Variants in INTS4 observed in about 807,000 individuals in gnomAD.
INTS4 encodes the protein MSTP093.
Under a neutral mutation model 119.5 loss-of-function variants are expected in INTS4, and 70 were observed. The ratio of observed to expected loss-of-function variants is 0.59; its 90% CI spans 0.48 to 0.71. The LOEUF (loss-of-function observed/expected upper bound fraction) is 0.71. INTS4 is among the 30% of genes least tolerant of loss of function. INTS4 has a pLI of 0.00. For synonymous variants in INTS4, 316 were observed against 419.6 expected (o/e 0.75, Z 3.02); for missense variants, 867 against 1,173.2 (o/e 0.74, Z 3.81).
chr11:77,890,049 G>T (rs1952196490), intron 21 of INTS4, among the ~76,000 whole-genome samples: 1 of 152,160 alleles, frequency 6.6e-6, no homozygotes, highest in Admixed American at 6.5e-5. Context: ...TCAGGATTTT[G>T]ATTTAATTAA....
At chr11:77,954,767 G>A (rs1954277514) in intron 8 of INTS4, among the ~76,000 whole-genome samples, 1 of 152,198 alleles carries the variant, frequency 6.6e-6, no homozygotes, top group Non-Finnish European at 1.5e-5. Flanking sequence ...AGCTCAGGCA[G>A]TAATACTTGC....
At chr11:77,896,730 T>C (rs1280804167) in intron 18 of INTS4, among the ~76,000 whole-genome samples, 2 of 139,776 alleles carry the variant, frequency 1.4e-5, no homozygotes, top group Non-Finnish European at 3.2e-5. Context: ...AGAAAAGGTA[T>C]AGGAAAAATA....
intron 4 of INTS4, among the ~76,000 whole-genome samples, chr11:77,975,565 G>A (rs541739199): frequency 2.7e-4 from 41 of 151,962 alleles, no homozygotes; most frequent in African/African-American, 8.5e-4. Context: ...TAGAAACAGC[G>A]GTTGTAGTTA....
At chr11:77,985,263 T>C (rs1294038426) in intron 2 of INTS4, among the ~76,000 whole-genome samples, 1 of 152,204 alleles carries the variant, frequency 6.6e-6, no homozygotes, top group East Asian at 1.9e-4. Context: ...ACTGACAAGG[T>C]AGAATACAAG....
intron 4 of INTS4, among the ~76,000 whole-genome samples, chr11:77,973,451 C>A (rs975348966): frequency 7.2e-5 from 11 of 152,058 alleles, no homozygotes; most frequent in African/African-American, 2.7e-4. Flanking sequence ...CAATGTTAAA[C>A]AGAAGTGAAG....
intron 21 of INTS4, among the ~76,000 whole-genome samples, chr11:77,887,387 ACT>A (rs1952059506): frequency 6.6e-6 from 1 of 152,136 alleles, no homozygotes; most frequent in African/African-American, 2.4e-5. Context: ...CATGCTAAAA[ACT>A]CTCAATAAAT....
chr11:77,967,637 T>C (rs1372970702), intron 4 of INTS4, among the ~76,000 whole-genome samples: 1 of 152,114 alleles, frequency 6.6e-6, no homozygotes, highest in East Asian at 1.9e-4. Flanking sequence ...AAGTCAAACG[T>C]CATCTGTGCC....
chr11:77,899,026 A>T (rs1376105602), intron 18 of INTS4, among the ~76,000 whole-genome samples: 4 of 152,092 alleles, frequency 2.6e-5, no homozygotes, highest in African/African-American at 7.3e-5. Context: ...TCTCATAAAT[A>T]AATAAATAAA....
chr11:77,983,603 C>T (rs1455372999), intron 2 of INTS4, among the ~76,000 whole-genome samples: 3 of 152,124 alleles, frequency 2.0e-5, no homozygotes, highest in Non-Finnish European at 2.9e-5. Flanking sequence ...CTAATCATTA[C>T]AGAAATGCAA....
chr11:77,938,551 T>C (rs925093359), intron 10 of INTS4, 100 bp downstream of exon 10: 1 of 1,479,566 alleles, frequency 6.8e-7, no homozygotes, highest in Non-Finnish European at 9.0e-7. Flanking sequence ...AGAGTTACTG[T>C]GAGGACTAAA....
intron 1 of INTS4, among the ~76,000 whole-genome samples, chr11:77,992,658 G>C (rs954122388): frequency 6.6e-6 from 1 of 152,148 alleles, no homozygotes; most frequent in Admixed American, 6.5e-5. Flanking sequence ...AATTATTCTA[G>C]ACAAGAACAC....
At chr11:77,937,116 A>G (rs1953814993) in intron 10 of INTS4, among the ~76,000 whole-genome samples, 1 of 152,080 alleles carries the variant, frequency 6.6e-6, no homozygotes, top group Non-Finnish European at 1.5e-5. Flanking sequence ...CAGAGGTTGC[A>G]GTGAGCCAAG....
At chr11:77,895,448 A>G (rs190518857) in intron 18 of INTS4, among the ~76,000 whole-genome samples, 2 of 148,066 alleles carry the variant, frequency 1.4e-5, no homozygotes, top group East Asian at 4.1e-4. Flanking sequence ...TATTTGCTGA[A>G]TGAACAAAAA....
chr11:77,966,417 G>T (rs1322890896), intron 4 of INTS4, among the ~76,000 whole-genome samples: 1 of 152,132 alleles, frequency 6.6e-6, no homozygotes, highest in Non-Finnish European at 1.5e-5. Flanking sequence ...TCTTCTAGTA[G>T]TTTTACAGTT....
chr11:77,878,663 A>G (rs1159653072), downstream of INTS4: 1 of 658,294 alleles, frequency 1.5e-6, no homozygotes, highest in East Asian at 2.7e-5. Context: ...AGCACGTAGT[A>G]TAAAAGCTGA....
At chr11:77,963,555 T>A (rs1355259435) in intron 4 of INTS4, 4 of 343,596 alleles carry the variant, frequency 1.2e-5, no homozygotes, top group Non-Finnish European at 2.3e-5. Context: ...CCAATTTGTG[T>A]CAAAAATAAA....
At chr11:77,890,036 T>G (rs1203385140) in intron 21 of INTS4, among the ~76,000 whole-genome samples, 1 of 152,184 alleles carries the variant, frequency 6.6e-6, no homozygotes, top group African/African-American at 2.4e-5. Flanking sequence ...ATAGGCCCTA[T>G]TCTCAGGATT....
At chr11:77,983,263 G>A (rs1373036256) in intron 2 of INTS4, among the ~76,000 whole-genome samples, 1 of 152,142 alleles carries the variant, frequency 6.6e-6, no homozygotes, top group Non-Finnish European at 1.5e-5. Context: ...TTTGGGTTTA[G>A]TTTGCTGTTT....
intron 22 of INTS4, among the ~76,000 whole-genome samples, chr11:77,881,911 G>GTT (rs951135442): frequency 6.9e-6 from 1 of 144,996 alleles, no homozygotes; most frequent in Non-Finnish European, 1.5e-5. Context: ...GTTTCTGATG[G>GTT]TTTTTTTTTT....
Sources: allele counts gnomAD v4.1 joint callset (sites outside exome capture counted in the v4.1 genomes callset), GRCh38; gene constraint gnomAD v4.1.1; transcripts MANE v1.5; gene names NCBI Gene and HGNC (gene_info 2026-07-23, HGNC 2026-07-21).